Variants in AUTS2 observed in about 807,000 individuals in gnomAD.
AUTS2 encodes the protein autism susceptibility gene 2 protein.
Under a neutral mutation model 112.4 loss-of-function variants are expected in AUTS2, and 17 were observed. The ratio of observed to expected loss-of-function variants is 0.15; its 90% confidence interval spans 0.10 to 0.23. The LOEUF (loss-of-function observed/expected upper bound fraction) is 0.23, where lower values mean the gene tolerates loss of function less well. Ranked by LOEUF, AUTS2 falls within the 10% of genes least tolerant of loss-of-function variation. The pLI is 1.00. For synonymous variants in AUTS2, 751 were observed against 702.7 expected, an observed-to-expected ratio of 1.07 and a Z score of -1.09; for missense variants, 1,510 against 1,701.6, an observed-to-expected ratio of 0.89 and a Z score of 1.98.
rs75894197 is a variant in AUTS2 at position 70,487,100 on chromosome 7, C to T, written c.690+51319C>T. On this transcript the variant is annotated intron_variant, in intron 5 of 18. Coordinates refer to ENST00000342771, the MANE Select transcript of AUTS2 (RefSeq NM_015570.4). ...GGCAAGGGAGTTGGTATGATAGGAGCGTTACTGGGAGAGGACGGTAGCCGC... is the reference window on the plus strand; with the variant it reads ...GGCAAGGGAGTTGGTATGATAGGAGTGTTACTGGGAGAGGACGGTAGCCGC... Among the ~76,000 whole-genome samples the T allele has an allele frequency of 4.1e-3, 629 of 152,108 alleles. 3 individuals are homozygous for T. Among genetic ancestry groups the T allele is most frequent in the African/African-American group, 0.014 (593 of 41,482 alleles).
In AUTS2 at chr7:70,488,207, C is replaced by G. The variant is rs1798092234; in HGVS notation, c.690+52426C>G. On this transcript the variant is annotated intron_variant, in intron 5 of 18. Transcript: ENST00000342771. ...GCTGGAGAGTCGCTTCATAAGCCCTCGTGCCCGGCGCTCTAAGCTGAGGAG... is the reference window on the plus strand; with the variant it reads ...GCTGGAGAGTCGCTTCATAAGCCCTGGTGCCCGGCGCTCTAAGCTGAGGAG... Among the ~76,000 whole-genome samples, 3 of 152,194 alleles carry G rather than the reference C, an allele frequency of 2.0e-5. No individual in the cohort carries two copies. The South Asian group carries it at 6.2e-4, about 32-fold the overall frequency.
rs1188568440 is a variant in AUTS2, at chr7:69,908,270, G to A, written c.522+8772G>A. 2.0e-5 allele frequency among the ~76,000 whole-genome samples: 3 copies of A among 152,242 alleles called. No individual in the cohort carries two copies. The East Asian group carries it at 5.8e-4, about 29-fold the overall frequency. On this transcript the variant is annotated intron_variant, in intron 2 of 18. Transcript: ENST00000342771. ...GTCCCATTAGACCTGCTTTGCCACAGGAACCCAGCTGTTTTAATGCATTTG... is the reference window on the plus strand; with the variant it reads ...GTCCCATTAGACCTGCTTTGCCACAAGAACCCAGCTGTTTTAATGCATTTG...
chr7:70,573,618 C>A (rs1251942357), intron 5 of AUTS2, among the ~76,000 whole-genome samples: 1 of 152,162 alleles, frequency 6.6e-6, no homozygotes, highest in African/African-American at 2.4e-5. Flanking sequence ...GCCTTTCAGA[C>A]CCAACAATAT....
intron 12 of AUTS2, 137 bp downstream of exon 12, chr7:70,774,236 G>T (rs1021164677): frequency 3.9e-6 from 3 of 775,012 alleles, no homozygotes; most frequent in Non-Finnish European, 6.5e-6. Flanking sequence ...GTTTGTGGAA[G>T]AAAATGCCAA....
At chr7:70,682,999 ATCAC>A (rs1307974139) in intron 5 of AUTS2, among the ~76,000 whole-genome samples, 1 of 152,230 alleles carries the variant, frequency 6.6e-6, no homozygotes, top group Non-Finnish European at 1.5e-5. Context: ...TCTCCAGCAT[ATCAC>A]TTCCTCCTCA....
At chr7:69,749,729 G>T (rs1036452415) in intron 1 of AUTS2, among the ~76,000 whole-genome samples, 4 of 152,178 alleles carry the variant, frequency 2.6e-5, no homozygotes, top group Admixed American at 6.5e-5. Context: ...GTTCTCGCTG[G>T]CTTGCGGCTT....
At position 70,525,977 on chromosome 7, in the gene AUTS2, G is replaced by A. The variant is rs1401061556; in HGVS notation, c.690+90196G>A. 3.3e-5 allele frequency among the ~76,000 whole-genome samples: 5 copies of A among 152,274 alleles called. No homozygotes were observed. In the East Asian group the frequency reaches 7.7e-4, roughly 24 times the overall value. On this transcript the variant is annotated intron_variant, in intron 5 of 18. Transcript: ENST00000342771. Reference sequence around the variant, plus strand: ...GCTCCTGCCCAGTGTCCTCACGTACGAGAGTGGTGAGTTTCTAATGCATCA... The same window carrying A: ...GCTCCTGCCCAGTGTCCTCACGTACAAGAGTGGTGAGTTTCTAATGCATCA...
intron 5 of AUTS2, among the ~76,000 whole-genome samples, chr7:70,454,082 A>AAGAAAGAGGCGG (rs1271167617): frequency 2.0e-5 from 3 of 152,138 alleles, no homozygotes; most frequent in African/African-American, 7.2e-5. Context: ...TTCTGTTAGC[A>AAGAAAGAGGCGG]AGAAAGAGGC....
intron 1 of AUTS2, among the ~76,000 whole-genome samples, chr7:69,810,878 A>T (rs979196759): frequency 6.6e-6 from 1 of 152,222 alleles, no homozygotes; most frequent in Admixed American, 6.5e-5. Flanking sequence ...AAATAAAATG[A>T]CAATATTATA....
At chr7:70,782,835 C>T (rs903773206) in intron 15 of AUTS2, 12 of 152,196 alleles carry the variant, frequency 7.9e-5, no homozygotes, top group Non-Finnish European at 1.8e-4. Flanking sequence ...GAGAGAAGCA[C>T]CCACACTGCA....
intron 2 of AUTS2, among the ~76,000 whole-genome samples, chr7:70,103,476 A>G (rs1413949855): frequency 6.6e-6 from 1 of 151,586 alleles, no homozygotes; most frequent in East Asian, 1.9e-4. Flanking sequence ...TTACCACCCA[A>G]TCCCTGGGTG....
intron 2 of AUTS2, among the ~76,000 whole-genome samples, chr7:70,004,760 T>C (rs1799466928): frequency 6.6e-6 from 1 of 151,960 alleles, no homozygotes; most frequent in African/African-American, 2.4e-5. Flanking sequence ...AGTTTCCTCA[T>C]CTATAAAATG....
chr7:70,077,785 A>G lies in AUTS2; in HGVS notation c.523-40347A>G, dbSNP rs188537638. 4.2e-3 allele frequency among the ~76,000 whole-genome samples: 645 copies of G among 152,096 alleles called. 8 individuals carry two copies. The highest frequency in any genetic ancestry group is 0.015 in the African/African-American group (605 of 41,510). Reference sequence around the variant, plus strand: ...TGCACTCTCTGACCAGGATTGTTTTACCCCTTCTGGATGGCAATACATCGC... The same window carrying G: ...TGCACTCTCTGACCAGGATTGTTTTGCCCCTTCTGGATGGCAATACATCGC... On this transcript the variant is annotated intron_variant, in intron 2 of 18. Coordinates refer to ENST00000342771, the MANE Select transcript of AUTS2 (RefSeq NM_015570.4).
rs552673860 is a variant in AUTS2 at position 70,130,444 on chromosome 7, G to T, written c.625-4092G>T. Among the ~76,000 whole-genome samples, 85 of 152,262 alleles carry T rather than the reference G, an allele frequency of 5.6e-4. 2 individuals are homozygous for T. In the South Asian group the frequency reaches 0.017, roughly 30 times the overall value. On this transcript the variant is annotated intron_variant, in intron 3 of 18. Coordinates refer to ENST00000342771, the MANE Select transcript of AUTS2 (RefSeq NM_015570.4). Reference sequence around the variant, plus strand: ...TGAAGAGATGGAAGGAAAGGCAAGTGGGGGGAAATGAGAAAAGGAGAACAA... The same window carrying T: ...TGAAGAGATGGAAGGAAAGGCAAGTTGGGGGAAATGAGAAAAGGAGAACAA...
chr7:70,603,373 A>T (rs1224331998), intron 5 of AUTS2, among the ~76,000 whole-genome samples: 1 of 152,174 alleles, frequency 6.6e-6, no homozygotes, highest in African/African-American at 2.4e-5. Flanking sequence ...TGATGTCCTG[A>T]TGGATTAAGC....
At chr7:70,398,425 T>G (rs1211481293) in intron 4 of AUTS2, among the ~76,000 whole-genome samples, 1 of 152,198 alleles carries the variant, frequency 6.6e-6, no homozygotes, top group East Asian at 1.9e-4. Flanking sequence ...TTAGCAATAT[T>G]TTGTATTTTT....
At chr7:70,262,898 G>A (rs759989338) in intron 4 of AUTS2, among the ~76,000 whole-genome samples, 1 of 152,106 alleles carries the variant, frequency 6.6e-6, no homozygotes, top group Non-Finnish European at 1.5e-5. Context: ...GGGGCCCACT[G>A]TGATATTTAT....
chr7:69,723,459 G>A (rs1010028458), intron 1 of AUTS2, among the ~76,000 whole-genome samples: 1 of 152,104 alleles, frequency 6.6e-6, no homozygotes, highest in Non-Finnish European at 1.5e-5. Context: ...CCCAATTCAA[G>A]CTTCACCATT....
intron 5 of AUTS2, among the ~76,000 whole-genome samples, chr7:70,504,715 A>G (rs1017591723): frequency 6.6e-6 from 1 of 152,196 alleles, no homozygotes; most frequent in Non-Finnish European, 1.5e-5. Flanking sequence ...GGGGCTTGGT[A>G]TCCACGTTTC....
Sources: gnomAD v4.1 joint callset for allele counts (sites outside exome capture counted in the v4.1 genomes callset) on GRCh38, gnomAD v4.1.1 for gene constraint, MANE v1.5 for transcripts, NCBI Gene and HGNC (gene_info 2026-07-23, HGNC 2026-07-21) for gene names.